The following NKIRAS2 variants were observed in gnomAD, a reference collection of about 807,000 sequenced individuals.
NKIRAS2 encodes NF-kappa-B inhibitor-interacting Ras-like protein 2.
NKIRAS2 carries 15 observed loss-of-function variants against 20.7 expected under a neutral mutation model. That is an observed-to-expected ratio of 0.73 (90% CI 0.49 to 1.12). NKIRAS2 has a LOEUF of 1.12. Ranked by LOEUF, NKIRAS2 falls within the 50% of genes most tolerant of loss-of-function variation. The pLI, the probability that NKIRAS2 is intolerant of heterozygous loss-of-function variation, is 0.00. For missense variants in NKIRAS2, 196 were observed against 249.6 expected (o/e 0.79, Z 1.45); for synonymous variants, 116 against 101.4 (o/e 1.14, Z -0.87).
upstream of NKIRAS2, chr17:42,018,497 A>G (rs1192607491): frequency 6.6e-6 from 1 of 152,224 alleles, no homozygotes; most frequent in Non-Finnish European, 1.5e-5. Flanking sequence ...CCCAGTGTGG[A>G]GGGAGCTGAA....
chr17:42,022,709 A>C, intron 3 of NKIRAS2, 69 bp downstream of exon 3: 1 of 1,545,640 alleles, frequency 6.5e-7, no homozygotes, highest in East Asian at 2.3e-5. Flanking sequence ...TGGTTTGGGA[A>C]GCCTGGCATG....
chr17:42,021,863 G>A (rs1555653091), intron 2 of NKIRAS2, 192 bp downstream of exon 2: 1 of 746,886 alleles, frequency 1.3e-6, no homozygotes, highest in Non-Finnish European at 2.5e-6. Context: ...GTCCAAGATA[G>A]GAAAGAGAAG....
chr17:42,017,887 A>G (rs2052350960), upstream of NKIRAS2, among the ~76,000 whole-genome samples: 1 of 152,004 alleles, frequency 6.6e-6, no homozygotes, highest in Admixed American at 6.5e-5. Context: ...GAAAGTCAAG[A>G]GACACTTTGA....
In NKIRAS2 at chr17:42,023,920, C is replaced by G; in HGVS notation, c.*27C>G. 1 of 1,609,848 alleles carries G rather than the reference C, an allele frequency of 6.2e-7. No individual in the cohort carries two copies. Among genetic ancestry groups the G allele is most frequent in the Non-Finnish European group, 8.5e-7 (1 of 1,177,490 alleles). On this transcript the variant is annotated 3_prime_UTR_variant, in exon 4 of 4. Transcript: ENST00000393885. ...GAGCTGCCGTTCCTCTTTCACGATC[C>G]CAGCCCCATTTCAGTGTCTGGGGCT...
At chr17:42,017,600 C>A (rs1034186156), upstream of NKIRAS2, 2 of 727,490 alleles carry the variant, frequency 2.7e-6, no homozygotes, top group Admixed American at 5.9e-5. Flanking sequence ...GTCTCCGCGC[C>A]GGGGCGGGAG....
upstream of NKIRAS2, chr17:42,018,564 G>C (rs1218342862): frequency 6.6e-6 from 1 of 152,190 alleles, no homozygotes; most frequent in African/African-American, 2.4e-5. Context: ...TTGGAAAGGA[G>C]GGGTCATTCG....
chr17:42,018,232 G>A (rs2052360083), upstream of NKIRAS2, among the ~76,000 whole-genome samples: 1 of 152,094 alleles, frequency 6.6e-6, no homozygotes, highest in Non-Finnish European at 1.5e-5. Flanking sequence ...TTGCCTTGCC[G>A]AATGCGGTCT....
intron 3 of NKIRAS2, chr17:42,023,264 G>A: frequency 4.1e-6 from 1 of 241,512 alleles, no homozygotes; most frequent in Non-Finnish European, 8.4e-6. Context: ...CTCCCAAAGT[G>A]TTGGGATTAC....
rs782344060 is a variant in NKIRAS2, at chr17:42,023,787, T to C, written c.470T>C (p.Leu157Pro). 1.1e-5 allele frequency: 18 copies of C among 1,614,040 alleles called. No homozygotes were observed. The highest frequency in any genetic ancestry group is 1.5e-5 in the Non-Finnish European group (18 of 1,180,034). Reference sequence around the variant, plus strand: ...GTGTCAGTGGCGGACCGGCGCTCCCTCCTGGAGCCCTTTGTCTACTTGGCC... The same window carrying C: ...GTGTCAGTGGCGGACCGGCGCTCCCCCCTGGAGCCCTTTGTCTACTTGGCC... ...WEVSVADRRS[L>P]LEPFVYLASK... is the part of the protein sequence containing the mutation. The change falls in exon 4 of 4, where the codon CTC becomes CCC. Residue 157 changes from leucine to proline, a missense_variant. Physicochemically the swap from Leu to Pro is moderately conservative, Grantham distance 98. Transcript: ENST00000393885.
chr17:42,019,293 C>G (rs2079966509), upstream of NKIRAS2, among the ~76,000 whole-genome samples: 2 of 152,076 alleles, frequency 1.3e-5, 1 homozygote, highest in South Asian at 4.1e-4. Context: ...ACAACAACAA[C>G]AACAAAACAA....
intron 2 of NKIRAS2, 24 bp from the exon 3 acceptor site, chr17:42,022,373 CAG>C: frequency 1.9e-6 from 3 of 1,551,554 alleles, no homozygotes; most frequent in Non-Finnish European, 2.6e-6. Context: ...CTCTCCACTT[CAG>C]ACAGTTTTCT....
upstream of NKIRAS2, chr17:42,018,617 C>CT (rs2143415867): frequency 6.6e-6 from 1 of 152,318 alleles, no homozygotes; most frequent in East Asian, 1.9e-4. Context: ...CTACTCTGTG[C>CT]TAGGTTGTGA....
Position 42,023,720 on chromosome 17 carries a change from G to T in NKIRAS2, c.403G>T (p.Ala135Ser). Reference protein sequence around the residue: ...QEQRRVDPDVAQHWAKSEKVK... With the variant: ...QEQRRVDPDVSQHWAKSEKVK... ...GCAGCGGCGTGTAGACCCAGATGTG[G>T]CTCAGCACTGGGCCAAGTCAGAGAA... The change falls in exon 4 of 4, where the codon GCT (alanine) becomes TCT (serine). Residue 135 changes from alanine (A) to serine (S), a missense_variant. Coordinates refer to ENST00000393885, the MANE Select transcript of NKIRAS2 (RefSeq NM_017595.6). The T allele has an allele frequency of 1.9e-6, 3 of 1,614,110 alleles. No homozygotes were observed. Among genetic ancestry groups the T allele is most frequent in the Non-Finnish European group, 2.5e-6 (3 of 1,180,016 alleles).
chr17:42,021,834 C>A lies in NKIRAS2; in HGVS notation c.94+163C>A, dbSNP rs371430299. The A allele has an allele frequency of 2.6e-6, 2 of 768,830 alleles. 1 individual carries two copies. Among genetic ancestry groups the A allele is most frequent in the Non-Finnish European group, 4.7e-6 (2 of 422,546 alleles). 47.6% of individuals were successfully genotyped at this position (768,830 alleles called of 1,614,324 possible). On this transcript the variant is annotated intron_variant, in intron 2 of 3. Coordinates refer to ENST00000393885, the MANE Select transcript of NKIRAS2 (RefSeq NM_017595.6). ...TCAACTCTACAACACTGAACAAATA[C>A]GGAGGGAGAAAGCCCTATGTCCAAG...
chr17:42,021,455 C>T, intron 1 of NKIRAS2, 109 bp from the exon 2 acceptor site: 1 of 831,860 alleles, frequency 1.2e-6, no homozygotes, highest in Non-Finnish European at 2.1e-6. Context: ...GTTCTGCCTT[C>T]TGTTTTTTTG....
chr17:42,021,779 C>T (rs782753681), intron 2 of NKIRAS2, 108 bp downstream of exon 2: 2 of 1,026,410 alleles, frequency 1.9e-6, no homozygotes, highest in Non-Finnish European at 3.1e-6. Flanking sequence ...GTTTTCCCCC[C>T]TGGAAGAATA....
At chr17:42,017,603 G>GGCGGGAGCCCAGGGGCTGTGCCGGT (rs2052342125), upstream of NKIRAS2, 6 of 709,222 alleles carry the variant, frequency 8.5e-6, no homozygotes. Flanking sequence ...TCCGCGCCGG[G>GGCGGGAGCCCAGGGGCTGTGCCGGT]GCGGGAGCCC....
intron 3 of NKIRAS2, 27 bp downstream of exon 3, chr17:42,022,667 G>T (rs1555653356): frequency 1.9e-6 from 3 of 1,596,814 alleles, no homozygotes; most frequent in African/African-American, 2.7e-5. Context: ...TCTGGTGGGA[G>T]CCTCAGTGGT....
At position 42,023,902 on chromosome 17, in the gene NKIRAS2, C is replaced by T. The variant is rs782139181; in HGVS notation, c.*9C>T. ...GCTCCTTGGATGGCTGAAGAGCTGC[C>T]GTTCCTCTTTCACGATCCCAGCCCC... On this transcript the variant is annotated 3_prime_UTR_variant, in exon 4 of 4. Transcript: ENST00000393885. 7 of 1,613,228 alleles carry T rather than the reference C, an allele frequency of 4.3e-6. No homozygotes were observed. The East Asian group carries it at 8.9e-5, about 21-fold the overall frequency.
Sources: allele counts gnomAD v4.1 joint callset (sites outside exome capture counted in the v4.1 genomes callset), GRCh38; gene constraint gnomAD v4.1.1; transcripts MANE v1.5; gene names NCBI Gene and HGNC (gene_info 2026-07-23, HGNC 2026-07-21).